Variants in DMD observed in about 807,000 individuals in gnomAD.
The protein encoded by DMD is mutant dystrophin.
DMD carries 63 observed loss-of-function variants against 330.1 expected under a neutral mutation model. The observed-to-expected ratio is 0.19, with a 90% CI of 0.16 to 0.24. The LOEUF is 0.24. Among genes scored for constraint, DMD ranks in the 10% least tolerant of loss-of-function variants. The pLI, the probability that DMD is intolerant of heterozygous loss-of-function variation, is 1.00. For missense variants in DMD, 3,344 were observed against 2,684.1 expected (o/e 1.25, Z -5.43); for synonymous variants, 1,223 against 959.8 (o/e 1.27, Z -5.07).
At chrX:33,041,355 C>T (rs2094297278) in intron 1 of DMD, 1 of 1,170,735 alleles carries the variant, frequency 8.5e-7, no homozygotes, top group Non-Finnish European at 1.1e-6. Context: ...CACGGTTACC[C>T]CGGCTTTCCG....
At chrX:32,735,370 C>T (rs1332370195) in intron 7 of DMD, among the ~76,000 whole-genome samples, 2 of 110,661 alleles carry the variant, frequency 1.8e-5, no homozygotes, top group Non-Finnish European at 3.8e-5. Context: ...AATGTCATCC[C>T]CATCAAGCTA....
chrX:32,399,509 A>G (rs546280717), intron 30 of DMD, among the ~76,000 whole-genome samples: 3 of 111,727 alleles, frequency 2.7e-5, no homozygotes, highest in Non-Finnish European at 5.7e-5. Context: ...ATAACAGAAT[A>G]GTAAATCAAA....
At chrX:32,314,081 T>C (rs1403564399) in intron 41 of DMD, among the ~76,000 whole-genome samples, 1 of 111,324 alleles carries the variant, frequency 9.0e-6, no homozygotes, top group Non-Finnish European at 1.9e-5. Context: ...AAAGGGCCCA[T>C]ATAGCCAAGA....
At chrX:31,347,765 G>A (rs1482190671) in intron 61 of DMD, among the ~76,000 whole-genome samples, 2 of 112,362 alleles carry the variant, frequency 1.8e-5, no homozygotes, top group African/African-American at 3.2e-5. Flanking sequence ...ATTGCCAGAT[G>A]GTAAGGTAGT....
chrX:32,621,468 C>T (rs755828719), intron 11 of DMD, among the ~76,000 whole-genome samples: 11 of 106,548 alleles, frequency 1.0e-4, no homozygotes, highest in Admixed American at 8.0e-4. Context: ...GAGATGTACA[C>T]ATAAGTGTTT....
At chrX:31,969,284 A>G (rs777227977) in intron 44 of DMD, among the ~76,000 whole-genome samples, 6 of 111,966 alleles carry the variant, frequency 5.4e-5, no homozygotes, top group Non-Finnish European at 1.1e-4. Context: ...AGTACACACA[A>G]AAACAAAAAT....
chrX:32,730,746 T>A (rs1163122240), intron 7 of DMD, among the ~76,000 whole-genome samples: 2 of 112,027 alleles, frequency 1.8e-5, no homozygotes, highest in African/African-American at 6.5e-5. Context: ...TAGTATTTTA[T>A]TAAGAGTGTG....
intron 59 of DMD, among the ~76,000 whole-genome samples, chrX:31,465,598 T>C (rs2066804497): frequency 8.9e-6 from 1 of 111,945 alleles, no homozygotes; most frequent in Non-Finnish European, 1.9e-5. Context: ...CTTTATCCAG[T>C]CTATCATTGA....
chrX:32,556,540 A>G (rs1297804978), intron 16 of DMD, among the ~76,000 whole-genome samples: 1 of 111,868 alleles, frequency 8.9e-6, no homozygotes, highest in Non-Finnish European at 1.9e-5. Flanking sequence ...CACAATAGCA[A>G]AGACATGGAA....
chrX:32,172,468 T>C (rs2096891093), intron 44 of DMD, among the ~76,000 whole-genome samples: 1 of 111,919 alleles, frequency 8.9e-6, no homozygotes, highest in Non-Finnish European at 1.9e-5. Context: ...CCACAGAATC[T>C]TAATTTGATT....
intron 42 of DMD, among the ~76,000 whole-genome samples, chrX:32,292,299 A>ATTTTTTTTTTTTTTTTTTTTTT (rs1355530949): frequency 5.2e-4 from 16 of 30,844 alleles, no homozygotes; most frequent in East Asian, 1.7e-3. Flanking sequence ...CAAAGGGAAT[A>ATTTTTTTTTTTTTTTTTTTTTT]TTCTTTTTTT....
At chrX:32,496,032 T>C (rs2043459493) in intron 19 of DMD, among the ~76,000 whole-genome samples, 1 of 111,879 alleles carries the variant, frequency 8.9e-6, no homozygotes, top group South Asian at 3.7e-4. Context: ...CCAGAGGAAA[T>C]GGATCATTAC....
chrX:31,992,595 T>C (rs981398614), intron 44 of DMD, among the ~76,000 whole-genome samples: 1 of 111,342 alleles, frequency 9.0e-6, no homozygotes, highest in African/African-American at 3.3e-5. Context: ...CTCGTTTTTC[T>C]TGGCTCACTC....
intron 42 of DMD, among the ~76,000 whole-genome samples, chrX:32,304,140 A>C (rs1373311851): frequency 1.8e-5 from 2 of 111,429 alleles, no homozygotes; most frequent in African/African-American, 3.3e-5. Context: ...TATCACACAT[A>C]AAAAACGACA....
At chrX:32,974,687 A>G (rs763092812) in intron 2 of DMD, among the ~76,000 whole-genome samples, 1 of 111,591 alleles carries the variant, frequency 9.0e-6, no homozygotes, top group East Asian at 2.8e-4. Context: ...AACAGTAGCA[A>G]TAATCCCAAT....
intron 41 of DMD, among the ~76,000 whole-genome samples, chrX:32,335,615 A>AT (rs1569558427): frequency 9.4e-6 from 1 of 106,932 alleles, no homozygotes; most frequent in Non-Finnish European, 1.9e-5. Context: ...ATTATAAAAC[A>AT]AACATGTTAT....
Position 32,187,770 on chromosome X carries a change from A to AT in DMD, c.6438+29145dup, listed in dbSNP as rs1161521591. The stretch of plus-strand genomic sequence containing the variant: ...AATTTTTTAAACCAAAACCAGAATT[A>AT]TTTTTTTTTTCTTTTTAGCTTTCAA... On this transcript the variant is annotated intron_variant, in intron 44 of 78. Coordinates refer to ENST00000357033, the MANE Select transcript of DMD (RefSeq NM_004006.3). 3.8e-4 allele frequency among the ~76,000 whole-genome samples: 41 copies of AT among 108,351 alleles called. No homozygotes were observed. The South Asian group carries it at 0.011, about 28-fold the overall frequency. The allele number at this position is 108,351 out of a possible 115,157, so 94.1% of individuals were successfully genotyped here. A position where few individuals can be genotyped will look rare whatever the true frequency, so the allele number is the denominator to read the frequency against.
rs1312181486 is a variant in DMD at position 32,740,778 on chromosome X, A to C, written c.650-41485T>G. ...TAGGACACTGTTTTAAGTACTTCCC[A>C]TGCGTTATTTCTATGATCTTTCTCA... On this transcript the variant is annotated intron_variant, in intron 7 of 78. Transcript: ENST00000357033. Among the ~76,000 whole-genome samples, 3 of 111,193 alleles carry C rather than the reference A, an allele frequency of 2.7e-5. No homozygotes were observed. The Admixed American group carries it at 2.9e-4, about 11-fold the overall frequency.
intron 44 of DMD, among the ~76,000 whole-genome samples, chrX:32,134,580 A>G (rs2077387310): frequency 9.0e-6 from 1 of 111,414 alleles, no homozygotes; most frequent in Admixed American, 9.6e-5. Context: ...AGGTTTTCAC[A>G]ATTCTAAAAA....
Sources: allele counts gnomAD v4.1 joint callset (sites outside exome capture counted in the v4.1 genomes callset), GRCh38; gene constraint gnomAD v4.1.1; transcripts MANE v1.5; gene names NCBI Gene and HGNC (gene_info 2026-07-23, HGNC 2026-07-21).